Variants in AGBL1 observed in about 807,000 individuals in gnomAD.
The protein encoded by AGBL1 is AGBL carboxypeptidase 1.
In AGBL1, 130 loss-of-function variants were observed where a neutral mutation model predicts 118.9. The ratio of observed to expected loss-of-function variants is 1.09; its 90% CI spans 0.95 to 1.26. The LOEUF is 1.26. Among genes scored for constraint, AGBL1 ranks in the 50% most tolerant of loss-of-function variants. The pLI is 0.00. For missense variants in AGBL1, 1,584 were observed against 1,298.1 expected (o/e 1.22, Z -3.38); for synonymous variants, 555 against 478.9 (o/e 1.16, Z -2.08).
intron 18 of AGBL1, among the ~76,000 whole-genome samples, chr15:86,443,263 A>G (rs1167396191): frequency 1.3e-5 from 2 of 152,148 alleles, no homozygotes; most frequent in Non-Finnish European, 2.9e-5. Flanking sequence ...TCCCTGTGTG[A>G]TCAGATGGAT....
chr15:86,428,803 GGAATACAT>G (rs1486756795), intron 18 of AGBL1, among the ~76,000 whole-genome samples: 1 of 152,140 alleles, frequency 6.6e-6, no homozygotes, highest in Non-Finnish European at 1.5e-5. Flanking sequence ...CAAAAGCAAA[GGAATACAT>G]GAAACCCTTT....
chr15:86,365,535 G>A (rs368679740), intron 17 of AGBL1, among the ~76,000 whole-genome samples: 1 of 152,098 alleles, frequency 6.6e-6, no homozygotes, highest in South Asian at 2.1e-4. Flanking sequence ...GCCCTGTCTC[G>A]GAGAGTGGGT....
intron 1 of AGBL1, among the ~76,000 whole-genome samples, chr15:86,137,846 A>G (rs1349860428): frequency 1.3e-5 from 2 of 152,186 alleles, no homozygotes; most frequent in Non-Finnish European, 2.9e-5. Flanking sequence ...CGGAGGAATG[A>G]CTGAAGTGTG....
At chr15:86,113,442 C>T (rs113450761) in intron 1 of AGBL1, among the ~76,000 whole-genome samples, 3,700 of 151,800 alleles carry the variant, frequency 0.024, 169 homozygotes, top group African/African-American at 0.083. Flanking sequence ...TGCCCACCAC[C>T]ATGCCCGGCT....
At position 86,635,723 on chromosome 15, in the gene AGBL1, T is replaced by C. The variant is rs1209927619; in HGVS notation, c.2995-38550T>C. Among the ~76,000 whole-genome samples the C allele has an allele frequency of 7.2e-5, 11 of 152,246 alleles. No individual in the cohort carries two copies. The South Asian group carries it at 1.7e-3, about 23-fold the overall frequency. On this transcript the variant is annotated intron_variant, in intron 21 of 22. Coordinates refer to ENST00000614907, the MANE Select transcript of AGBL1 (RefSeq NM_001386094.1). ...TACATATTACAAATATAAAAATAGT[T>C]ACAAAAGTGAATATTTAGAGTGACA...
intron 24 of AGBL1, among the ~76,000 whole-genome samples, chr15:87,026,634 T>TC (rs1354249819): frequency 6.6e-6 from 1 of 152,064 alleles, no homozygotes; most frequent in African/African-American, 2.4e-5. Context: ...GATCCAGCAA[T>TC]CCCACTACTG....
intron 16 of AGBL1, among the ~76,000 whole-genome samples, chr15:86,281,329 G>A (rs908498473): frequency 1.5e-4 from 23 of 152,176 alleles, no homozygotes; most frequent in African/African-American, 4.8e-4. Flanking sequence ...GCTGCAGTGA[G>A]CCAGGATCAC....
chr15:86,943,067 C>T (rs1478366063), intron 23 of AGBL1, among the ~76,000 whole-genome samples: 2 of 152,118 alleles, frequency 1.3e-5, no homozygotes, highest in Non-Finnish European at 2.9e-5. Context: ...ACTTTTGGAA[C>T]CAAGATTCCT....
intron 22 of AGBL1, among the ~76,000 whole-genome samples, chr15:86,728,929 T>A (rs939002919): frequency 2.6e-5 from 4 of 152,170 alleles, no homozygotes; most frequent in African/African-American, 9.7e-5. Context: ...GGGCAGGGAT[T>A]TTGTGTGTTT....
At chr15:86,721,683 A>G (rs545671061) in intron 22 of AGBL1, among the ~76,000 whole-genome samples, 5 of 152,314 alleles carry the variant, frequency 3.3e-5, no homozygotes, top group Admixed American at 2.6e-4. Flanking sequence ...AGGAAATAAA[A>G]GATATTCAAT....
intron 23 of AGBL1, among the ~76,000 whole-genome samples, chr15:86,940,419 G>C (rs1372197830): frequency 6.6e-6 from 1 of 152,004 alleles, no homozygotes; most frequent in Non-Finnish European, 1.5e-5. Flanking sequence ...ATCTCTCTGA[G>C]TGATCAGGCA....
intron 22 of AGBL1, among the ~76,000 whole-genome samples, chr15:86,783,566 C>T (rs116325011): frequency 0.014 from 2,183 of 152,266 alleles, 49 homozygotes; most frequent in African/African-American, 0.049. Context: ...GCTTTCTTTG[C>T]ATCACTATTT....
rs979097610 is a variant in AGBL1 at position 86,667,256 on chromosome 15, A to G, written c.2995-7017A>G. On this transcript the variant is annotated intron_variant, in intron 21 of 22. Transcript: ENST00000614907. ...TATGTATGTATGTATGTATGTATGT[A>G]TCTATCTATCTATCTGTCTATCTTT... 1.2e-3 allele frequency among the ~76,000 whole-genome samples: 155 copies of G among 133,464 alleles called. No individual in the cohort carries two copies. In the Middle Eastern group the frequency reaches 0.029, roughly 25 times the overall value. 87.6% of individuals were successfully genotyped at this position (133,464 alleles called of 152,430 possible).
chr15:86,537,201 C>G (rs946843506), intron 19 of AGBL1, among the ~76,000 whole-genome samples: 15 of 152,320 alleles, frequency 9.8e-5, no homozygotes, highest in African/African-American at 3.6e-4. Context: ...AAGGGTTTAG[C>G]CAGACAATAT....
intron 18 of AGBL1, among the ~76,000 whole-genome samples, chr15:86,498,836 A>G (rs77020396): frequency 0.036 from 5,491 of 152,000 alleles, 154 homozygotes; most frequent in South Asian, 0.09. Flanking sequence ...AGGGGTTTTA[A>G]AAAGTATGGA....
chr15:86,927,058 G>A (rs2080548659), intron 23 of AGBL1, among the ~76,000 whole-genome samples: 1 of 151,884 alleles, frequency 6.6e-6, no homozygotes, highest in African/African-American at 2.4e-5. Flanking sequence ...AGAATCGCTT[G>A]AACCCAGAAG....
chr15:86,082,426 T>G (rs988142128), intron 1 of AGBL1, among the ~76,000 whole-genome samples: 9 of 152,186 alleles, frequency 5.9e-5, no homozygotes, highest in African/African-American at 2.2e-4. Context: ...GTGAATAAGT[T>G]TGAACCAAAT....
chr15:86,895,951 G>T (rs11073682), intron 22 of AGBL1, among the ~76,000 whole-genome samples: 1 of 151,564 alleles, frequency 6.6e-6, no homozygotes, highest in African/African-American at 2.4e-5. Flanking sequence ...TCTTTCAACT[G>T]GTATCTTTTT....
intron 19 of AGBL1, among the ~76,000 whole-genome samples, chr15:86,536,172 C>CA (rs765450271): frequency 1.3e-5 from 2 of 152,072 alleles, no homozygotes; most frequent in South Asian, 2.1e-4. Flanking sequence ...TTTACTGACA[C>CA]AAAAAAACTA....
Sources: allele counts gnomAD v4.1 joint callset (sites outside exome capture counted in the v4.1 genomes callset), GRCh38; gene constraint gnomAD v4.1.1; transcripts MANE v1.5; gene names NCBI Gene and HGNC (gene_info 2026-07-23, HGNC 2026-07-21).